GRK1: variants seen among roughly 807,000 people sequenced by gnomAD.
GRK1 encodes rhodopsin kinase GRK1.
A neutral mutation model predicts 41.7 loss-of-function variants in GRK1; 28 were observed. That is an observed-to-expected ratio of 0.67 (90% confidence interval 0.50 to 0.92). The LOEUF (loss-of-function observed/expected upper bound fraction) is 0.92. Among genes scored for constraint, GRK1 ranks in the 40% least tolerant of loss-of-function variants. The probability of loss-of-function intolerance (pLI) is 0.00; values close to 1 mark genes in which losing one functional copy is unlikely to be tolerated. For missense variants in GRK1, 703 were observed against 671.2 expected, an observed-to-expected ratio of 1.05 and a Z score of -0.52; for synonymous variants, 327 against 286.7, an observed-to-expected ratio of 1.14 and a Z score of -1.42.
intron 4 of GRK1, 129 bp downstream of exon 4, chr13:113,723,286 G>A (rs149404875): frequency 2.9e-5 from 15 of 514,798 alleles, no homozygotes; most frequent in Admixed American, 2.3e-4. Flanking sequence ...GCACATGGGC[G>A]TCTGTGTGGT....
rs997298545 is a variant in GRK1, at chr13:113,671,886, G to A, written c.985+230G>A. On this transcript the variant is annotated intron_variant, in intron 3 of 6. Coordinates refer to ENST00000335678, the MANE Select transcript of GRK1 (RefSeq NM_002929.3). This position sits in a 1 kb window ranked among gnomAD's most constrained non-coding sequence, Gnocchi z 4.1. ...CAGCTGGGAACGGCGAGTCTGTTAC[G>A]CCCAGTCCCCACCTTCCTTCTGCCT... 8.5e-5 allele frequency among the ~76,000 whole-genome samples: 13 copies of A among 152,078 alleles called. No individual in the cohort carries two copies. The highest frequency in any genetic ancestry group is 2.1e-4 in the South Asian group (1 of 4,826).
chr13:113,651,093 G>A, the GRK1 span, among the ~76,000 whole-genome samples: 1 of 151,680 alleles, frequency 6.6e-6, no homozygotes, highest in Non-Finnish European at 1.5e-5. Flanking sequence ...AGGTTCCCTC[G>A]GACACCCTAG....
the GRK1 span, chr13:113,653,503 T>C: frequency 1.5e-5 from 21 of 1,422,016 alleles, no homozygotes; most frequent in Non-Finnish European, 2.0e-5. Context: ...AGTTCTGAAG[T>C]GGCTGAGGAT....
the GRK1 span, chr13:113,652,613 C>A: frequency 1.8e-6 from 1 of 549,200 alleles, no homozygotes; most frequent in Non-Finnish European, 3.4e-6. Flanking sequence ...CCTGGCCTTG[C>A]AGAGACCCCT....
Position 113,667,910 on chromosome 13 carries a change from T to C in GRK1, c.524T>C (p.Leu175Pro). 1 of 1,606,674 alleles carries C rather than the reference T, an allele frequency of 6.2e-7. No individual in the cohort carries two copies. The highest frequency in any genetic ancestry group is 8.5e-7 in the Non-Finnish European group (1 of 1,176,290). The change falls in exon 1 of 7, where the codon CTG becomes CCG. Residue 175 changes from leucine to proline, a missense_variant. Physicochemically the swap from Leu to Pro is moderately conservative, Grantham distance 98. Transcript: ENST00000335678. This position sits in a 1 kb window ranked among gnomAD's most constrained non-coding sequence, Gnocchi z 7.5. ...GGCAGCCTGTACTTCCTGAGGTTCC[T>C]GCAGTGGAAGTGGCTGGAAGCCCAG... is the stretch of plus-strand genomic sequence containing the variant. Reference protein sequence around the residue: ...YLGSLYFLRFLQWKWLEAQPM... With the variant: ...YLGSLYFLRFPQWKWLEAQPM...
the GRK1 span, among the ~76,000 whole-genome samples, chr13:113,652,443 G>C: frequency 2.6e-5 from 4 of 152,164 alleles, 1 homozygote; most frequent in South Asian, 8.3e-4. Context: ...TGCCCTGCTC[G>C]AGCCTGGCTC....
chr13:113,731,543 CCT>C lies in GRK1; in HGVS notation c.1194+201_1194+202del, dbSNP rs2140731542. ...GTCTCAGTGGGTGACGCCCCCAGCC[CCT>C]GAGGCCTGCAGGTGGAGGGGCTGAG... On this transcript the variant is annotated intron_variant, in intron 5 of 6. Coordinates refer to ENST00000335678, the MANE Select transcript of GRK1 (RefSeq NM_002929.3). The surrounding 1 kb of genome is among the most constrained non-coding windows in gnomAD (Gnocchi z 5.6). The C allele has an allele frequency of 3.1e-6, 1 of 326,082 alleles. No homozygotes were observed. The highest frequency in any genetic ancestry group is 1.7e-4 in the East Asian group (1 of 5,852). The allele number at this position is 326,082 out of a possible 1,614,324, so 20.2% of individuals were successfully genotyped here.
chr13:113,735,395 G>GACCC lies in GRK1; in HGVS notation c.*34_*37dup. The GACCC allele has an allele frequency of 6.9e-7, 1 of 1,451,588 alleles. No homozygotes were observed. The highest frequency in any genetic ancestry group is 2.5e-5 in the East Asian group (1 of 39,724). 89.9% of individuals were successfully genotyped at this position (1,451,588 alleles called of 1,614,324 possible). A position where few individuals can be genotyped will look rare whatever the true frequency, so the allele number is the denominator to read the frequency against. Reference sequence around the variant, plus strand: ...CCCCAGAGTCCACGTGGAGGAAAAGGACCCATACGGCTCGATGGGGGCCGC... The same window carrying GACCC: ...CCCCAGAGTCCACGTGGAGGAAAAGGACCCACCCATACGGCTCGATGGGGGCCGC... On this transcript the variant is annotated 3_prime_UTR_variant, in exon 7 of 7. Coordinates refer to ENST00000335678, the MANE Select transcript of GRK1 (RefSeq NM_002929.3).
Position 113,736,411 on chromosome 13 carries a change from C to T in GRK1, c.*1048C>T, listed in dbSNP as rs887442834. On this transcript the variant is annotated 3_prime_UTR_variant, in exon 7 of 7. Coordinates refer to ENST00000335678, the MANE Select transcript of GRK1 (RefSeq NM_002929.3). ...GCCCGGGAAGACACTCACAGCCCAC[C>T]TTCTCATACAGCTCGGCCCCACCCA... is the stretch of plus-strand genomic sequence containing the variant. The T allele has an allele frequency of 1.3e-5, 2 of 152,356 alleles. No homozygotes were observed. The highest frequency in any genetic ancestry group is 4.8e-5 in the African/African-American group (2 of 41,464). 9.4% of individuals were successfully genotyped at this position (152,356 alleles called of 1,614,324 possible). A position where few individuals can be genotyped will look rare whatever the true frequency, so the allele number is the denominator to read the frequency against.
At chr13:113,733,975 TGC>T (rs750777200) in intron 6 of GRK1, among the ~76,000 whole-genome samples, 22 of 117,368 alleles carry the variant, frequency 1.9e-4, no homozygotes, top group South Asian at 2.3e-4. Flanking sequence ...TGTGCGTGTG[TGC>T]GCATGTGTGT....
chr13:113,669,522 T>G, intron 1 of GRK1, 165 bp from the exon 2 acceptor site: 1 of 260,460 alleles, frequency 3.8e-6, no homozygotes, highest in Non-Finnish European at 6.0e-6. Context: ...TGCAGGCATG[T>G]TTTGAAGTCA....
chr13:113,735,219 C>A lies in GRK1; in HGVS notation c.1548C>A (p.Ile516=), dbSNP rs753162869. The A allele has an allele frequency of 2.3e-5, 35 of 1,537,098 alleles. No individual in the cohort carries two copies. Among genetic ancestry groups the A allele is most frequent in the African/African-American group, 4.1e-5 (3 of 73,064 alleles). The change falls in exon 7 of 7, where the codon ATC becomes ATA. Residue 516 remains isoleucine (I), a synonymous_variant. Transcript: ENST00000335678. ...AATTTGCCACTGGCAACTGCCCCATCCCCTGGCAGGAGGAGATGATCGAGA... is the reference window on the plus strand; with the variant it reads ...AATTTGCCACTGGCAACTGCCCCATACCCTGGCAGGAGGAGATGATCGAGA... ...FQEFATGNCP[I]PWQEEMIETG...
At chr13:113,655,037 T>C in the GRK1 span, 1 of 1,511,858 alleles carries the variant, frequency 6.6e-7, no homozygotes, top group African/African-American at 1.4e-5. Context: ...GGCGTGACCA[T>C]CTTCCCTACC....
chr13:113,666,205 GC>G (rs1255604821), upstream of GRK1, among the ~76,000 whole-genome samples: 1 of 146,584 alleles, frequency 6.8e-6, no homozygotes, highest in Admixed American at 6.7e-5. Context: ...CCCCAGGTGT[GC>G]CCCCGCTGTC....
rs934042526 is a variant in GRK1 at position 113,671,700 on chromosome 13, G to A, written c.985+44G>A. The stretch of plus-strand genomic sequence containing the variant: ...TGGGAGGGATGAGGGCTACGAGGAG[G>A]GCGGGGCGCAGCTTCCTTGGGGGTC... On this transcript the variant is annotated intron_variant, in intron 3 of 6. Coordinates refer to ENST00000335678, the MANE Select transcript of GRK1 (RefSeq NM_002929.3). The surrounding 1 kb of genome is among the most constrained non-coding windows in gnomAD (Gnocchi z 4.1). 2.4e-5 allele frequency: 17 copies of A among 709,302 alleles called. No homozygotes were observed. Among genetic ancestry groups the A allele is most frequent in the Non-Finnish European group, 3.6e-5 (14 of 389,620 alleles). 43.9% of individuals were successfully genotyped at this position (709,302 alleles called of 1,614,324 possible). A position where few individuals can be genotyped will look rare whatever the true frequency, so the allele number is the denominator to read the frequency against.
At chr13:113,666,752 C>A (rs2140714520), upstream of GRK1, among the ~76,000 whole-genome samples, 1 of 152,270 alleles carries the variant, frequency 6.6e-6, no homozygotes, top group South Asian at 2.1e-4. Flanking sequence ...ACCTACAGAC[C>A]CCCAGGAAGC....
the GRK1 span, among the ~76,000 whole-genome samples, chr13:113,650,177 A>G: frequency 6.6e-6 from 1 of 152,132 alleles, no homozygotes; most frequent in Non-Finnish European, 1.5e-5. This position sits in a 1 kb window ranked among gnomAD's most constrained non-coding sequence, Gnocchi z 5.0. Context: ...TCAAAAAAAA[A>G]AAAAAAAGTT....
At chr13:113,734,416 G>A (rs2049987644) in intron 6 of GRK1, 1 of 152,450 alleles carries the variant, frequency 6.6e-6, no homozygotes, top group South Asian at 2.1e-4. Flanking sequence ...AAGTGTTGAG[G>A]TCAAAGTGAG....
At chr13:113,650,853 G>T in the GRK1 span, among the ~76,000 whole-genome samples, 1 of 152,144 alleles carries the variant, frequency 6.6e-6, no homozygotes, top group African/African-American at 2.4e-5. This position sits in a 1 kb window ranked among gnomAD's most constrained non-coding sequence, Gnocchi z 5.0. Flanking sequence ...CCAAAACTGG[G>T]TTACAAGTTG....
Sources: allele counts gnomAD v4.1 joint callset (sites outside exome capture counted in the v4.1 genomes callset), GRCh38; gene constraint gnomAD v4.1.1; non-coding constraint Gnocchi (gnomAD v3.1); transcripts MANE v1.5; gene names NCBI Gene and HGNC (gene_info 2026-07-23, HGNC 2026-07-21).